The following TESMIN variants were observed in gnomAD, a reference collection of about 807,000 sequenced individuals.
TESMIN encodes CXC domain containing 2.
A neutral mutation model predicts 47.4 loss-of-function variants in TESMIN; 34 were observed. The ratio of observed to expected loss-of-function variants is 0.72; its 90% CI spans 0.55 to 0.96. The LOEUF (loss-of-function observed/expected upper bound fraction) is 0.96, where lower values mean the gene tolerates loss of function less well. Among genes scored for constraint, TESMIN ranks in the 40% least tolerant of loss-of-function variants. The pLI, the probability that TESMIN is intolerant of heterozygous loss-of-function variation, is 0.00. For missense variants in TESMIN, 610 were observed against 637.2 expected (o/e 0.96, Z 0.46); for synonymous variants, 278 against 258.9 (o/e 1.07, Z -0.71).
intron 6 of TESMIN, chr11:68,732,960 C>T (rs770924301): frequency 6.6e-6 from 1 of 152,218 alleles, no homozygotes; most frequent in Admixed American, 6.5e-5. Context: ...GGTCGTTAGA[C>T]ATTGGGACTA....
At chr11:68,740,366 TTGAGGTCCATGCTGG>T in intron 5 of TESMIN, among the ~76,000 whole-genome samples, 1 of 152,270 alleles carries the variant, frequency 6.6e-6, no homozygotes, top group Admixed American at 6.5e-5. Context: ...AGAATTGTCC[TTGAGGTCCATGCTGG>T]ATAAGGGGCC....
chr11:68,740,624 C>T (rs567057557), intron 5 of TESMIN, among the ~76,000 whole-genome samples: 103 of 152,314 alleles, frequency 6.8e-4, no homozygotes, highest in African/African-American at 2.1e-3. Flanking sequence ...TCTGCGTGCT[C>T]GCCAGATCCC....
chr11:68,711,221 G>T (rs186353507), intron 8 of TESMIN, among the ~76,000 whole-genome samples, 172 bp from the exon 9 acceptor site: 1 of 151,176 alleles, frequency 6.6e-6, no homozygotes, highest in Non-Finnish European at 1.5e-5. Context: ...TGTGTTGAAC[G>T]TGAGTGTGTG....
intron 6 of TESMIN, among the ~76,000 whole-genome samples, chr11:68,724,057 A>G (rs1185527325): frequency 6.6e-6 from 1 of 152,232 alleles, no homozygotes; most frequent in Non-Finnish European, 1.5e-5. Flanking sequence ...TTATTAGGCA[A>G]TACAATATTG....
chr11:68,745,230 G>T, intron 3 of TESMIN, 119 bp from the exon 4 acceptor site: 15 of 763,072 alleles, frequency 2.0e-5, no homozygotes, highest in Non-Finnish European at 2.6e-5. Context: ...TTTAATGGAA[G>T]ATAGAAAACT....
intron 6 of TESMIN, among the ~76,000 whole-genome samples, chr11:68,734,003 CT>C (rs772929607): frequency 1.3e-5 from 2 of 152,198 alleles, no homozygotes; most frequent in African/African-American, 4.8e-5. Context: ...TCTTCTCCCC[CT>C]GACCTATTTA....
At chr11:68,716,885 CTG>C (rs1163280767) in intron 6 of TESMIN, among the ~76,000 whole-genome samples, 4 of 152,230 alleles carry the variant, frequency 2.6e-5, no homozygotes, top group African/African-American at 9.6e-5. Flanking sequence ...ACCCCTGTCA[CTG>C]TCTTCTGTGA....
rs144189248 is a variant in TESMIN at position 68,750,167 on chromosome 11, C to T, written c.471+23G>A. On this transcript the variant is annotated intron_variant, in intron 2 of 9. Coordinates refer to ENST00000255087, the MANE Select transcript of TESMIN (RefSeq NM_004923.3). ...GGGAAGGGATGGAGGGGGAGCTGTG[C>T]CCATTCCCCAGGCGGTTCTTACTGG... 4.2e-6 allele frequency: 6 copies of T among 1,442,058 alleles called. No individual in the cohort carries two copies. The South Asian group carries it at 7.3e-5, about 18-fold the overall frequency. 89.3% of individuals were successfully genotyped at this position (1,442,058 alleles called of 1,614,324 possible). A position where few individuals can be genotyped will look rare whatever the true frequency, so the allele number is the denominator to read the frequency against.
rs57435562 is a variant in TESMIN, at chr11:68,743,234, CT to C, written c.752-841del. On this transcript the variant is annotated intron_variant, in intron 4 of 9. Coordinates refer to ENST00000255087, the MANE Select transcript of TESMIN (RefSeq NM_004923.3). ...CATCTATTGGATACCACAGGAACTA[CT>C]TTTTTTTTTTTTTTTTTTTTTGAGA... is the stretch of plus-strand genomic sequence containing the variant. Among the ~76,000 whole-genome samples the C allele has an allele frequency of 7.7e-3, 944 of 123,072 alleles. 5 individuals are homozygous for C. Among genetic ancestry groups the C allele is most frequent in the Non-Finnish European group, 9.3e-3 (541 of 58,326 alleles). The allele number at this position is 123,072 out of a possible 152,430, so 80.7% of individuals were successfully genotyped here.
intron 6 of TESMIN, chr11:68,737,936 A>G: frequency 1.0e-6 from 1 of 984,810 alleles, no homozygotes; most frequent in Non-Finnish European, 1.2e-6. Flanking sequence ...AAACAAACAA[A>G]CAAAAAACAA....
intron 6 of TESMIN, among the ~76,000 whole-genome samples, chr11:68,720,155 A>C (rs1946188429): frequency 6.6e-6 from 1 of 152,212 alleles, no homozygotes; most frequent in African/African-American, 2.4e-5. Flanking sequence ...TTGCATACCC[A>C]GTAAAAGTAT....
intron 5 of TESMIN, among the ~76,000 whole-genome samples, chr11:68,741,731 G>T (rs1191791026): frequency 6.6e-6 from 1 of 152,168 alleles, no homozygotes; most frequent in Admixed American, 6.5e-5. Context: ...CTGCATTCTT[G>T]TGGGTGGATG....
intron 9 of TESMIN, among the ~76,000 whole-genome samples, chr11:68,710,127 CAG>C (rs2153990560): frequency 6.6e-6 from 1 of 152,284 alleles, no homozygotes; most frequent in Non-Finnish European, 1.5e-5. Context: ...CACTGCACTC[CAG>C]CCTGAGCAAC....
At chr11:68,740,360 T>C (rs957474893) in intron 5 of TESMIN, among the ~76,000 whole-genome samples, 1 of 152,128 alleles carries the variant, frequency 6.6e-6, no homozygotes, top group African/African-American at 2.4e-5. Context: ...GCTAAAAGAA[T>C]TGTCCTTGAG....
In TESMIN at chr11:68,747,257, T is replaced by C; in HGVS notation, c.581A>G (p.Glu194Gly). The C allele has an allele frequency of 6.2e-7, 1 of 1,614,172 alleles. No individual in the cohort carries two copies. Among genetic ancestry groups the C allele is most frequent in the South Asian group, 1.1e-5 (1 of 91,090 alleles). ...ESCCKFPSSQ[E>G]LEDASCCSLK... ...AGAACAGCAGGAGGCATCCTCTAGT[T>C]CCTGGGACGATGGGAACTTGCAACA... Residue 194 changes from glutamate (E) to glycine (G), a missense_variant, in exon 3 of 10, where the codon GAA (glutamate) becomes GGA (glycine). Glu to Gly is a moderately conservative substitution (Grantham distance 98). Coordinates refer to ENST00000255087, the MANE Select transcript of TESMIN (RefSeq NM_004923.3).
At chr11:68,715,103 A>G (rs1035598663) in intron 7 of TESMIN, among the ~76,000 whole-genome samples, 1 of 152,232 alleles carries the variant, frequency 6.6e-6, no homozygotes, top group Non-Finnish European at 1.5e-5. Context: ...CCACACCCTT[A>G]TAATTGTGTT....
chr11:68,744,131 C>T (rs546473816), intron 4 of TESMIN, among the ~76,000 whole-genome samples: 48 of 152,314 alleles, frequency 3.2e-4, no homozygotes, highest in Non-Finnish European at 8.8e-5. Flanking sequence ...GACAGGGAGA[C>T]AATCAGGATG....
At chr11:68,715,795 G>T in intron 7 of TESMIN, 42 bp downstream of exon 7, 1 of 1,389,010 alleles carries the variant, frequency 7.2e-7, no homozygotes, top group African/African-American at 1.4e-5. Context: ...CAAACAGTTT[G>T]AAATGCTTTT....
In TESMIN at chr11:68,707,450, T is replaced by A. The variant is rs1158104704; in HGVS notation, c.*858A>T. 1 of 176,326 alleles carries A rather than the reference T, an allele frequency of 5.7e-6. No individual in the cohort carries two copies. Among genetic ancestry groups the A allele is most frequent in the East Asian group, 1.4e-4 (1 of 7,392 alleles). The allele number at this position is 176,326 out of a possible 1,614,324, so 10.9% of individuals were successfully genotyped here. ...AGTTAATGACAACAATTGAAGACATTGGAAATTTTTATTCATCTTTGCTTT... is the reference window on the plus strand; with the variant it reads ...AGTTAATGACAACAATTGAAGACATAGGAAATTTTTATTCATCTTTGCTTT... On this transcript the variant is annotated 3_prime_UTR_variant, in exon 10 of 10. Coordinates refer to ENST00000255087, the MANE Select transcript of TESMIN (RefSeq NM_004923.3).
Sources: allele counts gnomAD v4.1 joint callset (sites outside exome capture counted in the v4.1 genomes callset), GRCh38; gene constraint gnomAD v4.1.1; transcripts MANE v1.5; gene names NCBI Gene and HGNC (gene_info 2026-07-23, HGNC 2026-07-21).